CCDC93: variants seen among roughly 807,000 people sequenced by gnomAD.
The protein encoded by CCDC93 is coiled-coil domain-containing protein 93.
A neutral mutation model predicts 108.2 loss-of-function variants in CCDC93; 61 were observed. The observed-to-expected ratio is 0.56, with a 90% CI of 0.46 to 0.70. The LOEUF is 0.70. Among genes scored for constraint, CCDC93 ranks in the 30% least tolerant of loss-of-function variants. CCDC93 has a pLI of 0.00. For missense variants in CCDC93, 685 were observed against 764.2 expected (o/e 0.90, Z 1.22); for synonymous variants, 276 against 260.4 (o/e 1.06, Z -0.58).
At position 118,006,760 on chromosome 2, in the gene CCDC93, A is replaced by C; in HGVS notation, c.213T>G (p.Asp71Glu). The change falls in exon 3 of 24, where the codon GAT becomes GAG. Residue 71 changes from aspartate (D) to glutamate (E), a missense_variant. Asp to Glu is a conservative substitution (Grantham distance 45). Coordinates refer to ENST00000376300, the MANE Select transcript of CCDC93 (RefSeq NM_019044.5). ...TCGTAGAGTTTTCTTGAAAGAGCAA[A>C]TCAACATCTACATCAAAGTTGCAAG... ...ITTCNFDVDV[D>E]LLFQENSTIG... The C allele has an allele frequency of 6.2e-7, 1 of 1,612,936 alleles. No homozygotes were observed. Among genetic ancestry groups the C allele is most frequent in the Non-Finnish European group, 8.5e-7 (1 of 1,178,894 alleles).
intron 7 of CCDC93, chr2:117,985,487 CT>C (rs950482697): frequency 8.6e-5 from 79 of 921,216 alleles, no homozygotes; most frequent in East Asian, 2.4e-4. Flanking sequence ...TGTCCTTGCA[CT>C]TTTTTTTAAA....
chr2:118,008,051 T>C (rs896320610), intron 2 of CCDC93, among the ~76,000 whole-genome samples: 1 of 152,246 alleles, frequency 6.6e-6, no homozygotes, highest in Non-Finnish European at 1.5e-5. Flanking sequence ...CTCTGTTTTT[T>C]CTCTGTGTCC....
chr2:118,008,633 T>C lies in CCDC93; in HGVS notation c.68A>G (p.Gln23Arg). ...CAGAATTTCAGTCAACTTGACATTT[T>C]GTTCTTCATCTTCTCTTGTTTCCAC... The part of the protein sequence containing the change: ...PEVETREDEE[Q>R]NVKLTEILEL... Residue 23 changes from glutamine (Q) to arginine (R), a missense_variant, in exon 2 of 24, where the codon CAA becomes CGA. Transcript: ENST00000376300. 5 of 1,612,886 alleles carry C rather than the reference T, an allele frequency of 3.1e-6. No individual in the cohort carries two copies. Among genetic ancestry groups the C allele is most frequent in the Non-Finnish European group, 4.2e-6 (5 of 1,179,050 alleles).
chr2:117,992,878 TAAAAA>T (rs199998009), intron 6 of CCDC93, among the ~76,000 whole-genome samples: 1 of 143,590 alleles, frequency 7.0e-6, no homozygotes, highest in Non-Finnish European at 1.5e-5. Context: ...AGAAGTGGAT[TAAAAA>T]AAAAAACCTC....
At chr2:117,935,031 A>G (rs190108988) in intron 22 of CCDC93, 1 of 152,390 alleles carries the variant, frequency 6.6e-6, no homozygotes, top group African/African-American at 2.4e-5. Context: ...TCTCTTTTTT[A>G]GAGGGTTCCT....
At chr2:117,947,897 T>C (rs1678924635) in intron 15 of CCDC93, 1 of 478,022 alleles carries the variant, frequency 2.1e-6, no homozygotes, top group Admixed American at 3.6e-5. Context: ...GGTTTCACAG[T>C]GTTAGCCAGG....
rs1025435095 is a variant in CCDC93 at position 117,946,115 on chromosome 2, G to A, written c.1297-533C>T. On this transcript the variant is annotated intron_variant, in intron 16 of 23. Transcript: ENST00000376300. Reference sequence around the variant, plus strand: ...GTGATAACGGCCCTGCAAGATCTTCGTCTCCCCGCTGGGCATGGCAGTGTC... The same window carrying A: ...GTGATAACGGCCCTGCAAGATCTTCATCTCCCCGCTGGGCATGGCAGTGTC... 6.6e-5 allele frequency among the ~76,000 whole-genome samples: 10 copies of A among 152,162 alleles called. No individual in the cohort carries two copies. In the South Asian group the frequency reaches 1.7e-3, roughly 25 times the overall value.
chr2:117,954,719 G>C (rs934332090), intron 12 of CCDC93, among the ~76,000 whole-genome samples: 2 of 152,008 alleles, frequency 1.3e-5, no homozygotes, highest in Non-Finnish European at 2.9e-5. Context: ...ATATGATTTG[G>C]CTGAGTCCCC....
At chr2:117,986,857 T>A (rs71422554) in intron 6 of CCDC93, among the ~76,000 whole-genome samples, 9,312 of 152,162 alleles carry the variant, frequency 0.061, 313 homozygotes, top group Middle Eastern at 0.15. Flanking sequence ...AAGCTATAAA[T>A]AACATAAAAC....
At chr2:117,937,185 C>A (rs1177679718) in intron 20 of CCDC93, among the ~76,000 whole-genome samples, 8 of 152,152 alleles carry the variant, frequency 5.3e-5, no homozygotes, top group African/African-American at 1.9e-4. Flanking sequence ...CCCACAGAAT[C>A]TTCTCGCCAA....
Position 117,921,364 on chromosome 2 carries a change from T to G in CCDC93, c.1843-968A>C, listed in dbSNP as rs545193902. 1.5e-3 allele frequency among the ~76,000 whole-genome samples: 229 copies of G among 152,198 alleles called. 1 individual carries two copies. Among genetic ancestry groups the G allele is most frequent in the African/African-American group, 5.3e-3 (219 of 41,536 alleles). ...TCCCTCTGGGATCATCTTCAAAAGC[T>G]TCTAACTGCGCCTCCTGCCCTTGTT... On this transcript the variant is annotated intron_variant, in intron 23 of 23. Transcript: ENST00000376300.
At chr2:117,953,451 ATTAGTCTG>A (rs1679123153) in intron 12 of CCDC93, among the ~76,000 whole-genome samples, 1 of 152,184 alleles carries the variant, frequency 6.6e-6, no homozygotes, top group South Asian at 2.1e-4. Context: ...GACAACTTTT[ATTAGTCTG>A]TTTGTGTAAC....
intron 11 of CCDC93, among the ~76,000 whole-genome samples, chr2:117,958,987 T>G (rs912816265): frequency 6.6e-6 from 1 of 152,222 alleles, no homozygotes; most frequent in African/African-American, 2.4e-5. Flanking sequence ...TTTCTGATGT[T>G]CTGGAGTTAA....
intron 1 of CCDC93, chr2:118,012,581 A>C (rs1677049545): frequency 6.6e-6 from 1 of 152,274 alleles, no homozygotes; most frequent in South Asian, 2.1e-4. Flanking sequence ...CTACAGCAAA[A>C]GGCCAGGCAA....
intron 23 of CCDC93, among the ~76,000 whole-genome samples, chr2:117,929,939 G>A (rs1245103565): frequency 6.6e-6 from 1 of 152,192 alleles, no homozygotes; most frequent in Admixed American, 6.5e-5. Flanking sequence ...TATTTGTTAT[G>A]ACTTGTTCTT....
chr2:117,995,362 C>T, intron 6 of CCDC93, 84 bp downstream of exon 6: 1 of 1,079,090 alleles, frequency 9.3e-7, no homozygotes, highest in South Asian at 1.3e-5. Context: ...ATGGAAGCCT[C>T]AGGAGCAGCG....
At chr2:117,995,639 T>C (rs183418717) in intron 5 of CCDC93, 137 bp from the exon 6 acceptor site, 3 of 668,806 alleles carry the variant, frequency 4.5e-6, no homozygotes, top group Non-Finnish European at 7.9e-6. Context: ...TTCGAACAAA[T>C]TGTAATATAT....
At chr2:117,988,439 A>G (rs1320338153) in intron 6 of CCDC93, among the ~76,000 whole-genome samples, 2 of 152,236 alleles carry the variant, frequency 1.3e-5, no homozygotes, top group Admixed American at 6.5e-5. Flanking sequence ...GCAGGCAGTG[A>G]AACAGCCACC....
chr2:117,935,597 AGAGTT>A lies in CCDC93; in HGVS notation c.1644-23_1644-19del. The A allele has an allele frequency of 6.3e-7, 1 of 1,592,302 alleles. No individual in the cohort carries two copies. Among genetic ancestry groups the A allele is most frequent in the Non-Finnish European group, 8.6e-7 (1 of 1,160,244 alleles). Reference sequence around the variant, plus strand: ...CCATGGCCCTGAAAGAAAAACCAGTAGAGTTATGACCGGCACACAGGACTCTGAGG... The same window carrying A: ...CCATGGCCCTGAAAGAAAAACCAGTAATGACCGGCACACAGGACTCTGAGG... On this transcript the variant is annotated intron_variant, in intron 21 of 23. Coordinates refer to ENST00000376300, the MANE Select transcript of CCDC93 (RefSeq NM_019044.5).
Sources: gnomAD v4.1 joint callset for allele counts (sites outside exome capture counted in the v4.1 genomes callset) on GRCh38, gnomAD v4.1.1 for gene constraint, MANE v1.5 for transcripts, NCBI Gene and HGNC (gene_info 2026-07-23, HGNC 2026-07-21) for gene names.